Variants in KHDRBS2 observed in about 807,000 individuals in gnomAD.
KHDRBS2 encodes the protein KH RNA binding domain containing, signal transduction associated 2.
A neutral mutation model predicts 44.3 loss-of-function variants in KHDRBS2; 26 were observed. That is an observed-to-expected ratio of 0.59 (90% CI 0.43 to 0.81). KHDRBS2 has a LOEUF of 0.81. KHDRBS2 is among the 40% of genes least tolerant of loss of function. The pLI is 0.00. For synonymous variants in KHDRBS2, 194 were observed against 151.1 expected (o/e 1.28, Z -2.08); for missense variants, 476 against 433.1 (o/e 1.10, Z -0.88).
chr6:62,123,662 T>C (rs1808249867), intron 2 of KHDRBS2, among the ~76,000 whole-genome samples: 1 of 152,216 alleles, frequency 6.6e-6, no homozygotes, highest in African/African-American at 2.4e-5. Flanking sequence ...TTCAAAGTTG[T>C]GTTTAATTTT....
chr6:61,727,202 T>C (rs1170971620), intron 7 of KHDRBS2, among the ~76,000 whole-genome samples: 1 of 152,228 alleles, frequency 6.6e-6, no homozygotes, highest in African/African-American at 2.4e-5. Context: ...ACTTAATAAA[T>C]GGTTCTGGTA....
chr6:61,747,508 T>C (rs1777044025), intron 6 of KHDRBS2, among the ~76,000 whole-genome samples: 1 of 152,216 alleles, frequency 6.6e-6, no homozygotes, highest in Non-Finnish European at 1.5e-5. Flanking sequence ...CATTGATAAA[T>C]GTAAAGCAAT....
chr6:62,158,687 G>A (rs1026412918), intron 2 of KHDRBS2, among the ~76,000 whole-genome samples: 1 of 152,082 alleles, frequency 6.6e-6, no homozygotes, highest in Non-Finnish European at 1.5e-5. Flanking sequence ...CTCTTATTGA[G>A]AGAACTTGAG....
At chr6:61,989,804 G>C (rs575161301) in intron 3 of KHDRBS2, among the ~76,000 whole-genome samples, 54 of 152,264 alleles carry the variant, frequency 3.5e-4, no homozygotes, top group African/African-American at 1.2e-3. Context: ...CTATCTCCAT[G>C]CAATCAGCAT....
At chr6:61,804,813 T>A (rs1786875542) in intron 6 of KHDRBS2, among the ~76,000 whole-genome samples, 1 of 152,312 alleles carries the variant, frequency 6.6e-6, no homozygotes, top group South Asian at 2.1e-4. Context: ...AGCAAGACCC[T>A]GGGCCTGGCC....
chr6:61,730,977 A>G lies in KHDRBS2; in HGVS notation c.893+1705T>C, dbSNP rs192417436. Among the ~76,000 whole-genome samples, 427 of 152,160 alleles carry G rather than the reference A, an allele frequency of 2.8e-3. 1 individual carries two copies. The highest frequency in any genetic ancestry group is 4.5e-3 in the Non-Finnish European group (309 of 67,944). ...AAGAGAGAATGTCCCTCATTATCAG[A>G]AAATTATTCCAAAATTTCTTCTATT... On this transcript the variant is annotated intron_variant, in intron 7 of 8. Coordinates refer to ENST00000281156, the MANE Select transcript of KHDRBS2 (RefSeq NM_152688.4).
intron 2 of KHDRBS2, among the ~76,000 whole-genome samples, chr6:62,143,119 A>G (rs1177839783): frequency 1.3e-5 from 2 of 151,912 alleles, no homozygotes; most frequent in Non-Finnish European, 2.9e-5. Flanking sequence ...TCTGGTTTAA[A>G]AACGATGGGA....
chr6:61,588,809 A>G, the KHDRBS2 span, among the ~76,000 whole-genome samples: 1 of 152,086 alleles, frequency 6.6e-6, no homozygotes, highest in Non-Finnish European at 1.5e-5. Context: ...AAGACTTGGA[A>G]CCAACCCAAA....
intron 2 of KHDRBS2, among the ~76,000 whole-genome samples, chr6:62,053,783 T>TA: frequency 6.6e-6 from 1 of 151,972 alleles, no homozygotes; most frequent in South Asian, 2.1e-4. Flanking sequence ...TATCAGAAAG[T>TA]AAAAAAATGC....
the KHDRBS2 span, among the ~76,000 whole-genome samples, chr6:61,548,792 G>A: frequency 6.6e-6 from 1 of 151,996 alleles, no homozygotes; most frequent in African/African-American, 2.4e-5. Flanking sequence ...GGAAAAAGTG[G>A]AGTTATCTTT....
chr6:61,699,413 C>T (rs1339852466), intron 7 of KHDRBS2, among the ~76,000 whole-genome samples: 1 of 150,058 alleles, frequency 6.7e-6, no homozygotes, highest in Non-Finnish European at 1.5e-5. Flanking sequence ...CAAGCATTGC[C>T]CCCCTATATA....
At chr6:61,726,483 C>T (rs747248698) in intron 7 of KHDRBS2, among the ~76,000 whole-genome samples, 1 of 151,980 alleles carries the variant, frequency 6.6e-6, no homozygotes, top group African/African-American at 2.4e-5. Flanking sequence ...AAGTCGAACT[C>T]TCTTTATTTG....
intron 1 of KHDRBS2, among the ~76,000 whole-genome samples, chr6:62,187,805 G>T (rs983006250): frequency 6.6e-6 from 1 of 152,016 alleles, no homozygotes; most frequent in Non-Finnish European, 1.5e-5. Context: ...ATTGTTAATT[G>T]TAAGTACTAT....
chr6:61,595,399 A>G, the KHDRBS2 span, among the ~76,000 whole-genome samples: 3,273 of 152,204 alleles, frequency 0.022, 118 homozygotes, highest in African/African-American at 0.075. Flanking sequence ...CCTTTCCCTA[A>G]CTTTCTGTAT....
At chr6:61,566,560 C>A in the KHDRBS2 span, among the ~76,000 whole-genome samples, 3 of 152,024 alleles carry the variant, frequency 2.0e-5, no homozygotes, top group African/African-American at 7.2e-5. Context: ...ATAATGAATA[C>A]CTTCCCAAGG....
At chr6:61,707,300 G>A (rs1472674123) in intron 7 of KHDRBS2, among the ~76,000 whole-genome samples, 1 of 151,762 alleles carries the variant, frequency 6.6e-6, no homozygotes, top group East Asian at 1.9e-4. Flanking sequence ...CCTAAGTGCA[G>A]TCTTTCCCAA....
chr6:61,945,681 T>C (rs1469804616), intron 4 of KHDRBS2, among the ~76,000 whole-genome samples: 1 of 151,768 alleles, frequency 6.6e-6, no homozygotes, highest in African/African-American at 2.4e-5. Context: ...TATTTTTATA[T>C]AAAACTAAGC....
chr6:61,602,564 G>A, the KHDRBS2 span, among the ~76,000 whole-genome samples: 1 of 152,128 alleles, frequency 6.6e-6, no homozygotes, highest in Non-Finnish European at 1.5e-5. Context: ...TCTCAGTTTA[G>A]TGGCTGAACA....
At chr6:61,960,541 A>G (rs556384152) in intron 4 of KHDRBS2, among the ~76,000 whole-genome samples, 1 of 152,106 alleles carries the variant, frequency 6.6e-6, no homozygotes, top group Non-Finnish European at 1.5e-5. Context: ...CAATAAACAT[A>G]TTGATCCTTA....
Sources: gnomAD v4.1 joint callset for allele counts (sites outside exome capture counted in the v4.1 genomes callset) on GRCh38, gnomAD v4.1.1 for gene constraint, MANE v1.5 for transcripts, NCBI Gene and HGNC (gene_info 2026-07-23, HGNC 2026-07-21) for gene names.